PALS2: variants seen among roughly 807,000 people sequenced by gnomAD.
The protein encoded by PALS2 is protein associated with LIN7 2, MAGUK p55 family member.
In PALS2, 27 loss-of-function variants were observed where a neutral mutation model predicts 61.6. The observed-to-expected ratio is 0.44, with a 90% CI of 0.32 to 0.60. The LOEUF (loss-of-function observed/expected upper bound fraction) is 0.60. Ranked by LOEUF, PALS2 falls within the 20% of genes least tolerant of loss-of-function variation. PALS2 has a pLI of 0.05. For missense variants in PALS2, 554 were observed against 639.4 expected (o/e 0.87, Z 1.44); for synonymous variants, 236 against 218.6 (o/e 1.08, Z -0.70).
At chr7:24,649,888 C>T in intron 4 of PALS2, 124 bp downstream of exon 4, 3 of 960,236 alleles carry the variant, frequency 3.1e-6, no homozygotes, top group Admixed American at 3.5e-5. Flanking sequence ...CTTGTTTGGC[C>T]TGTGTATAAA....
At chr7:24,654,561 CA>C (rs965165452) in intron 5 of PALS2, among the ~76,000 whole-genome samples, 18 of 151,890 alleles carry the variant, frequency 1.2e-4, no homozygotes, top group African/African-American at 3.1e-4. Flanking sequence ...ATAAATTAAC[CA>C]AAAAAATTCA....
intron 11 of PALS2, among the ~76,000 whole-genome samples, chr7:24,683,391 T>A (rs1247467139): frequency 6.6e-6 from 1 of 152,208 alleles, no homozygotes; most frequent in Non-Finnish European, 1.5e-5. Context: ...GGCTTTGTTT[T>A]TTTAGTTTCA....
rs1194157220 is a variant in PALS2, at chr7:24,693,077, T to G, written c.*5463T>G. The G allele has an allele frequency of 6.6e-6, 1 of 152,178 alleles. No homozygotes were observed. Among genetic ancestry groups the G allele is most frequent in the African/African-American group, 2.4e-5 (1 of 41,464 alleles). The allele number at this position is 152,178 out of a possible 1,614,324, so 9.4% of individuals were successfully genotyped here. A position where few individuals can be genotyped will look rare whatever the true frequency, so the allele number is the denominator to read the frequency against. On this transcript the variant is annotated 3_prime_UTR_variant, in exon 12 of 12. Coordinates refer to ENST00000222644, the MANE Select transcript of PALS2 (RefSeq NM_001303037.2). ...CAGAAGGGATAGTTCTCTTCCTTTT[T>G]TTCCCCTCCTACTGGCTCTTACTGT...
intron 5 of PALS2, among the ~76,000 whole-genome samples, chr7:24,652,045 C>G (rs1478343117): frequency 6.6e-6 from 1 of 152,158 alleles, no homozygotes; most frequent in Non-Finnish European, 1.5e-5. Context: ...GATATTAGTA[C>G]TTAGACATTT....
intron 1 of PALS2, among the ~76,000 whole-genome samples, chr7:24,590,352 C>A (rs908544031): frequency 1.3e-5 from 2 of 152,012 alleles, no homozygotes; most frequent in Non-Finnish European, 2.9e-5. Context: ...GGAGGAAATT[C>A]TGTGCAGCCC....
intron 1 of PALS2, among the ~76,000 whole-genome samples, chr7:24,575,548 TTATC>T (rs1340055513): frequency 6.6e-6 from 1 of 152,244 alleles, no homozygotes; most frequent in Non-Finnish European, 1.5e-5. Flanking sequence ...ACTCTATGTG[TTATC>T]TTTTTAAAAA....
At chr7:24,665,943 C>T (rs1184550823) in intron 7 of PALS2, 78 bp from the exon 8 acceptor site, 3 of 1,342,486 alleles carry the variant, frequency 2.2e-6, no homozygotes, top group African/African-American at 1.5e-5. Context: ...AATTCTCCCA[C>T]CCCTGTAAAA....
At chr7:24,667,765 A>G (rs973647735) in intron 8 of PALS2, among the ~76,000 whole-genome samples, 2 of 149,212 alleles carry the variant, frequency 1.3e-5, no homozygotes, top group African/African-American at 5.0e-5. Flanking sequence ...CCTGGGTTCA[A>G]GTGATTCCCC....
intron 2 of PALS2, among the ~76,000 whole-genome samples, chr7:24,624,788 G>T (rs1000714884): frequency 6.6e-6 from 1 of 151,704 alleles, no homozygotes; most frequent in African/African-American, 2.4e-5. Flanking sequence ...TGTATTTTTA[G>T]TAGAGGAGGG....
chr7:24,670,869 T>C (rs1787262193), intron 9 of PALS2, among the ~76,000 whole-genome samples: 2 of 152,226 alleles, frequency 1.3e-5, no homozygotes, highest in Non-Finnish European at 2.9e-5. Context: ...GTACTTATTT[T>C]CTTTTCCTTG....
At chr7:24,598,436 A>G (rs1011118527) in intron 1 of PALS2, among the ~76,000 whole-genome samples, 2 of 152,178 alleles carry the variant, frequency 1.3e-5, no homozygotes, top group Non-Finnish European at 2.9e-5. Flanking sequence ...CTATAGGGAA[A>G]TTTGCAGTGA....
At chr7:24,595,402 A>G (rs1783460765) in intron 1 of PALS2, among the ~76,000 whole-genome samples, 1 of 142,752 alleles carries the variant, frequency 7.0e-6, no homozygotes, top group Admixed American at 7.4e-5. Flanking sequence ...TTATATATAT[A>G]TAAAAAATAT....
intron 1 of PALS2, among the ~76,000 whole-genome samples, chr7:24,616,908 A>G (rs1193696804): frequency 2.0e-5 from 3 of 152,062 alleles, no homozygotes; most frequent in Admixed American, 1.3e-4. Flanking sequence ...TTTGGATTTT[A>G]TCAATTCGAG....
chr7:24,636,472 G>A (rs1474915855), intron 2 of PALS2, among the ~76,000 whole-genome samples: 3 of 152,078 alleles, frequency 2.0e-5, no homozygotes, highest in African/African-American at 7.2e-5. Context: ...TACACAGTAG[G>A]TGACTATTGC....
At chr7:24,666,313 A>G (rs1787012796) in intron 8 of PALS2, among the ~76,000 whole-genome samples, 2 of 152,224 alleles carry the variant, frequency 1.3e-5, no homozygotes, top group South Asian at 2.1e-4. Flanking sequence ...TTACAACACA[A>G]AACAAATTGG....
chr7:24,606,158 A>G (rs1783890998), intron 1 of PALS2, among the ~76,000 whole-genome samples: 1 of 152,162 alleles, frequency 6.6e-6, no homozygotes, highest in Non-Finnish European at 1.5e-5. Flanking sequence ...AAGTTACAAG[A>G]TTTCTTTATG....
intron 1 of PALS2, 57 bp from the exon 2 acceptor site, chr7:24,623,609 A>T: frequency 1.2e-5 from 13 of 1,050,816 alleles, no homozygotes; most frequent in Non-Finnish European, 1.4e-6. Flanking sequence ...CTTGAAATTT[A>T]AGGGTTTTTG....
At chr7:24,629,653 A>C (rs1452749983) in intron 2 of PALS2, among the ~76,000 whole-genome samples, 4 of 152,148 alleles carry the variant, frequency 2.6e-5, no homozygotes, top group Non-Finnish European at 5.9e-5. Flanking sequence ...CAACCCCATC[A>C]AAAAGTGGGC....
chr7:24,611,550 A>T (rs144298007), intron 1 of PALS2, among the ~76,000 whole-genome samples: 1 of 152,114 alleles, frequency 6.6e-6, no homozygotes, highest in Non-Finnish European at 1.5e-5. Flanking sequence ...TGCAAAGATG[A>T]TTTCTGCACT....
Sources: allele counts gnomAD v4.1 joint callset (sites outside exome capture counted in the v4.1 genomes callset), GRCh38; gene constraint gnomAD v4.1.1; transcripts MANE v1.5; gene names NCBI Gene and HGNC (gene_info 2026-07-23, HGNC 2026-07-21).